The following LY6S variants were observed in gnomAD, a reference collection of about 807,000 sequenced individuals.
LY6S encodes the protein lymphocyte antigen 6S.
the LY6S span, among the ~76,000 whole-genome samples, chr8:143,055,348 G>C: frequency 6.6e-6 from 1 of 152,180 alleles, no homozygotes; most frequent in Non-Finnish European, 1.5e-5. Flanking sequence ...CCACAGTAAT[G>C]ACATTTCATT....
the LY6S span, among the ~76,000 whole-genome samples, chr8:143,068,754 CT>C: frequency 0.23 from 33,502 of 148,520 alleles, 5,214 homozygotes; most frequent in African/African-American, 0.44. Flanking sequence ...CTAATAATTT[CT>C]TTTTTTTTTT....
At chr8:143,072,778 C>A in the LY6S span, among the ~76,000 whole-genome samples, 1 of 136,662 alleles carries the variant, frequency 7.3e-6, no homozygotes, top group Non-Finnish European at 1.6e-5. Context: ...AGGAGACAGC[C>A]GTCGTCCCCG....
At chr8:143,070,450 A>G in the LY6S span, among the ~76,000 whole-genome samples, 544 of 56,150 alleles carry the variant, frequency 9.7e-3, 23 homozygotes, top group South Asian at 0.024. Flanking sequence ...TATATTGTAT[A>G]TATATATATA....
chr8:143,070,139 G>A, the LY6S span, among the ~76,000 whole-genome samples: 2 of 151,726 alleles, frequency 1.3e-5, no homozygotes, highest in Non-Finnish European at 2.9e-5. Flanking sequence ...ATTCTGTCAC[G>A]GTTGCCCCTC....
the LY6S span, among the ~76,000 whole-genome samples, chr8:143,061,729 G>C: frequency 3.3e-5 from 5 of 151,936 alleles, no homozygotes; most frequent in African/African-American, 1.2e-4. Flanking sequence ...TATTTAGTGA[G>C]ATGGGTTTTC....
chr8:143,057,197 A>G, the LY6S span: 1 of 321,134 alleles, frequency 3.1e-6, no homozygotes. Flanking sequence ...ATATTCCGGG[A>G]CTGGCTTTGT....
the LY6S span, chr8:143,044,965 A>AGCCTGCAACTGGTG: frequency 1.5e-6 from 1 of 653,618 alleles, no homozygotes. Flanking sequence ...TGCAACTGGC[A>AGCCTGCAACTGGTG]GCCTGCAACT....
chr8:143,044,764 A>G, the LY6S span: 9 of 1,367,486 alleles, frequency 6.6e-6, no homozygotes, highest in South Asian at 1.1e-5. Flanking sequence ...GGCCCCTTCC[A>G]AGACCGCCAA....
the LY6S span, chr8:143,044,887 C>T: frequency 3.3e-6 from 4 of 1,214,366 alleles, no homozygotes; most frequent in Admixed American, 1.0e-4. Context: ...CACAAGGGCA[C>T]CCACTCTCAC....
chr8:143,067,049 G>A, the LY6S span, among the ~76,000 whole-genome samples: 15 of 152,256 alleles, frequency 9.9e-5, no homozygotes, highest in East Asian at 7.7e-4. Flanking sequence ...ACGTGTTGGC[G>A]CCATCCTCAT....
the LY6S span, among the ~76,000 whole-genome samples, chr8:143,070,489 ATTTT>A: frequency 3.6e-4 from 29 of 81,638 alleles, no homozygotes; most frequent in Admixed American, 4.3e-4. Context: ...ATATATATAT[ATTTT>A]TTTTTTTTTT....
the LY6S span, among the ~76,000 whole-genome samples, chr8:143,047,232 C>T: frequency 2.9e-3 from 432 of 151,444 alleles, 3 homozygotes; most frequent in Non-Finnish European, 4.0e-3. Context: ...CTCTGCCTCC[C>T]GGGTTCAAGT....
At chr8:143,067,602 C>T in the LY6S span, among the ~76,000 whole-genome samples, 1 of 152,176 alleles carries the variant, frequency 6.6e-6, no homozygotes, top group African/African-American at 2.4e-5. Flanking sequence ...CATGCGAGGA[C>T]CCGCGTCGGC....
chr8:143,069,579 G>T, the LY6S span, among the ~76,000 whole-genome samples: 1 of 152,192 alleles, frequency 6.6e-6, no homozygotes, highest in South Asian at 2.1e-4. Flanking sequence ...CGTGCTCCAG[G>T]TGAACTGGGA....
At chr8:143,047,865 C>G in the LY6S span, 1 of 152,248 alleles carries the variant, frequency 6.6e-6, no homozygotes, top group African/African-American at 2.4e-5. Flanking sequence ...GTGCCAGTCT[C>G]TGCTGTCTCG....
chr8:143,073,229 T>C, the LY6S span, among the ~76,000 whole-genome samples: 14 of 97,154 alleles, frequency 1.4e-4, 1 homozygote, highest in South Asian at 3.7e-4. Context: ...CCGTCATTCT[T>C]GGGGTCCCTG....
chr8:143,066,777 C>G, the LY6S span, among the ~76,000 whole-genome samples: 33,392 of 152,000 alleles, frequency 0.22, 5,229 homozygotes, highest in African/African-American at 0.43. Flanking sequence ...CCTGGGACTG[C>G]AGGCTTTTGG....
At chr8:143,044,114 C>T in the LY6S span, 1 of 456,082 alleles carries the variant, frequency 2.2e-6, no homozygotes, top group African/African-American at 2.0e-5. Flanking sequence ...CCTCCCATGG[C>T]CTGGCTGATA....
the LY6S span, among the ~76,000 whole-genome samples, chr8:143,060,327 G>A: frequency 6.6e-6 from 1 of 152,342 alleles, no homozygotes; most frequent in Admixed American, 6.5e-5. Flanking sequence ...TTATCTGGAG[G>A]CCTAAACGTC....
Sources: allele counts gnomAD v4.1 joint callset (sites outside exome capture counted in the v4.1 genomes callset), GRCh38; gene constraint gnomAD v4.1.1; transcripts MANE v1.5; gene names NCBI Gene and HGNC (gene_info 2026-07-23, HGNC 2026-07-21).